The following OSBP2 variants were observed in gnomAD, a reference collection of about 807,000 sequenced individuals.
OSBP2 encodes the protein oxysterol-binding protein 2.
OSBP2 carries 66 observed loss-of-function variants against 96.0 expected under a neutral mutation model. The ratio of observed to expected loss-of-function variants is 0.69; its 90% CI spans 0.56 to 0.84. The LOEUF (loss-of-function observed/expected upper bound fraction) is 0.84. Among genes scored for constraint, OSBP2 ranks in the 40% least tolerant of loss-of-function variants. The pLI, the probability that OSBP2 is intolerant of heterozygous loss-of-function variation, is 0.00. For synonymous variants in OSBP2, 525 were observed against 520.9 expected (o/e 1.01, Z -0.11); for missense variants, 1,038 against 1,222.7 (o/e 0.85, Z 2.25).
At chr22:30,902,333 G>C in intron 12 of OSBP2, 1 of 1,590,184 alleles carries the variant, frequency 6.3e-7, no homozygotes, top group African/African-American at 1.3e-5. Flanking sequence ...CAAAGACACA[G>C]ATAAATTTAA....
chr22:30,694,165 C>A (rs1237376279), upstream of OSBP2: 6 of 1,550,340 alleles, frequency 3.9e-6, no homozygotes, highest in Non-Finnish European at 5.2e-6. Context: ...GTTTCTTGTA[C>A]TAAAACGCTT....
intron 1 of OSBP2, among the ~76,000 whole-genome samples, chr22:30,729,410 G>A (rs1602181321): frequency 6.6e-6 from 1 of 152,186 alleles, no homozygotes; most frequent in East Asian, 1.9e-4. Flanking sequence ...GGCCAAGGTG[G>A]GAGGATCACC....
chr22:30,809,380 T>C (rs1264229579), intron 2 of OSBP2, among the ~76,000 whole-genome samples: 2 of 152,170 alleles, frequency 1.3e-5, no homozygotes, highest in African/African-American at 4.8e-5. Flanking sequence ...ATGAAGACTC[T>C]GAGAAGGGCC....
intron 2 of OSBP2, among the ~76,000 whole-genome samples, chr22:30,752,714 A>C (rs1347166418): frequency 1.3e-5 from 2 of 152,150 alleles, no homozygotes; most frequent in Non-Finnish European, 1.5e-5. Context: ...CAAGGAAAAG[A>C]CCTGGAAAAG....
intron 2 of OSBP2, among the ~76,000 whole-genome samples, chr22:30,760,794 G>A (rs1452163872): frequency 6.6e-6 from 1 of 151,572 alleles, no homozygotes; most frequent in Non-Finnish European, 1.5e-5. Context: ...CCCCAGCCTG[G>A]GCAACAGAGC....
At position 30,864,903 on chromosome 22, in the gene OSBP2, C is replaced by T. The variant is rs1449352192; in HGVS notation, c.854-5526C>T. Among the ~76,000 whole-genome samples, 10 of 149,720 alleles carry T rather than the reference C, an allele frequency of 6.7e-5. 1 individual carries two copies. The Middle Eastern group carries it at 0.01, about 156-fold the overall frequency. ...GCAGTGAGGGCAAAGTTAGTTTCCC[C>T]GAAACAAGCAAGCAAGTGGGGTGGC... On this transcript the variant is annotated intron_variant, in intron 2 of 13. Transcript: ENST00000332585.
At chr22:30,873,356 A>AT (rs1429784538) in intron 3 of OSBP2, among the ~76,000 whole-genome samples, 4 of 152,138 alleles carry the variant, frequency 2.6e-5, no homozygotes, top group Non-Finnish European at 5.9e-5. Context: ...CCTGGGCGGG[A>AT]TCCCAACCTC....
Position 30,695,402 on chromosome 22 carries a change from C to A in OSBP2, c.493C>A (p.Pro165Thr), listed in dbSNP as rs944293663. Residue 165 changes from proline to threonine, a missense_variant, in exon 1 of 14, where the codon CCA becomes ACA. By Grantham distance (38) the Pro-to-Thr change is conservative. Around this residue, in one of 3 missense-constraint regions of OSBP2, gnomAD observed 281 missense variants for 273.4 expected, o/e 1.03. Coordinates refer to ENST00000332585, the MANE Select transcript of OSBP2 (RefSeq NM_030758.4). Reference protein sequence around the residue: ...PGQAKTPLGVPMSGTGTTSSA... With the variant: ...PGQAKTPLGVTMSGTGTTSSA... ...ACAGGCGAAGACTCCTCTTGGGGTTCCAATGTCGGGGACTGGCACGACCTC... is the reference window on the plus strand; with the variant it reads ...ACAGGCGAAGACTCCTCTTGGGGTTACAATGTCGGGGACTGGCACGACCTC... 3.7e-6 allele frequency: 6 copies of A among 1,613,908 alleles called. No homozygotes were observed. The highest frequency in any genetic ancestry group is 5.1e-6 in the Non-Finnish European group (6 of 1,180,044).
chr22:30,767,313 TA>T lies in OSBP2; in HGVS notation c.853+25956del, dbSNP rs550206119. Reference sequence around the variant, plus strand: ...CAACAGAGCAAGACTTTCTCTCTCTTAAAAAAAAAAAATGTTGTTATACAAA... The same window carrying T: ...CAACAGAGCAAGACTTTCTCTCTCTTAAAAAAAAAAATGTTGTTATACAAA... On this transcript the variant is annotated intron_variant, in intron 2 of 13. Transcript: ENST00000332585. 7.3e-3 allele frequency among the ~76,000 whole-genome samples: 1,043 copies of T among 143,158 alleles called. 6 individuals are homozygous for T. The highest frequency in any genetic ancestry group is 0.018 in the African/African-American group (687 of 39,214). 93.9% of individuals were successfully genotyped at this position (143,158 alleles called of 152,430 possible).
intron 2 of OSBP2, among the ~76,000 whole-genome samples, chr22:30,840,388 T>G (rs1376930934): frequency 6.6e-6 from 1 of 152,120 alleles, no homozygotes; most frequent in Non-Finnish European, 1.5e-5. Context: ...AGGTTTTTTC[T>G]TGTTCATTAG....
intron 2 of OSBP2, among the ~76,000 whole-genome samples, chr22:30,834,948 TGAG>T (rs764908148): frequency 2.2e-4 from 34 of 152,216 alleles, no homozygotes; most frequent in Non-Finnish European, 3.8e-4. Flanking sequence ...CCTGAGCAGC[TGAG>T]AATACAGGCA....
intron 1 of OSBP2, among the ~76,000 whole-genome samples, chr22:30,699,486 T>G (rs147658815): frequency 7.7e-4 from 117 of 152,322 alleles, no homozygotes; most frequent in Middle Eastern, 3.4e-3. Context: ...GCCAAACTGT[T>G]TCCCAAAGCA....
At chr22:30,709,689 C>CT (rs756854516) in intron 1 of OSBP2, among the ~76,000 whole-genome samples, 3 of 150,230 alleles carry the variant, frequency 2.0e-5, no homozygotes, top group South Asian at 4.2e-4. Context: ...CCAAATTAGT[C>CT]TAATTATTTA....
At chr22:30,873,789 A>G (rs1223133889) in intron 3 of OSBP2, among the ~76,000 whole-genome samples, 8 of 152,230 alleles carry the variant, frequency 5.3e-5, no homozygotes, top group Non-Finnish European at 1.2e-4. Context: ...GGAGCCTAAA[A>G]TGAGGGATGG....
intron 2 of OSBP2, among the ~76,000 whole-genome samples, chr22:30,775,939 G>C (rs968449447): frequency 6.6e-6 from 1 of 151,592 alleles, no homozygotes; most frequent in Non-Finnish European, 1.5e-5. Flanking sequence ...GGGACTATAG[G>C]AAGGCACCAC....
intron 2 of OSBP2, among the ~76,000 whole-genome samples, chr22:30,802,840 C>T (rs1253857940): frequency 6.6e-6 from 1 of 152,232 alleles, no homozygotes; most frequent in Non-Finnish European, 1.5e-5. Context: ...CACGGCGCGC[C>T]CTTGCAGCGC....
chr22:30,741,103 T>C (rs756052673), intron 1 of OSBP2, 58 bp from the exon 2 acceptor site: 7 of 1,346,454 alleles, frequency 5.2e-6, no homozygotes, highest in Non-Finnish European at 7.3e-6. Flanking sequence ...AGGGTTTCTT[T>C]AGTCTGGAGC....
At chr22:30,805,072 T>A (rs184022426) in intron 2 of OSBP2, among the ~76,000 whole-genome samples, 1 of 152,340 alleles carries the variant, frequency 6.6e-6, no homozygotes, top group East Asian at 1.9e-4. Flanking sequence ...GTAATTAAAG[T>A]AGGATCAAGT....
intron 2 of OSBP2, among the ~76,000 whole-genome samples, chr22:30,790,312 C>T (rs117281923): frequency 0.013 from 1,979 of 150,916 alleles, 22 homozygotes; most frequent in Middle Eastern, 0.044. Flanking sequence ...GAGGGGGGGG[C>T]GGGGAAAGCA....
Sources: allele counts gnomAD v4.1 joint callset (sites outside exome capture counted in the v4.1 genomes callset), GRCh38; gene constraint gnomAD v4.1.1; regional missense constraint gnomAD v4.1.1; transcripts MANE v1.5; gene names NCBI Gene and HGNC (gene_info 2026-07-23, HGNC 2026-07-21).